Variants in RAB4A observed in about 807,000 individuals in gnomAD.
RAB4A encodes ras-related protein Rab-4A.
In RAB4A, 20 loss-of-function variants were observed where a neutral mutation model predicts 34.5. The observed-to-expected ratio is 0.58, with a 90% CI of 0.41 to 0.84. RAB4A has a LOEUF of 0.84. RAB4A is among the 40% of genes least tolerant of loss of function. The pLI is 0.00. For missense variants in RAB4A, 228 were observed against 274.5 expected (o/e 0.83, Z 1.20); for synonymous variants, 102 against 100.0 (o/e 1.02, Z -0.12).
intron 1 of RAB4A, among the ~76,000 whole-genome samples, chr1:229,276,682 T>A (rs1332624191): frequency 1.3e-5 from 2 of 151,516 alleles, no homozygotes; most frequent in East Asian, 3.9e-4. Flanking sequence ...CTATTGGGTT[T>A]CAGAGTCTTT....
intron 6 of RAB4A, among the ~76,000 whole-genome samples, chr1:229,300,796 T>C (rs945551728): frequency 6.6e-6 from 1 of 151,970 alleles, no homozygotes; most frequent in Admixed American, 6.6e-5. Context: ...CAGCTAAAAC[T>C]GTGGAAGCAA....
chr1:229,301,149 G>A (rs945533665), intron 6 of RAB4A, among the ~76,000 whole-genome samples: 9 of 152,258 alleles, frequency 5.9e-5, no homozygotes, highest in African/African-American at 2.2e-4. Context: ...CGTCCGTTAG[G>A]AAGAAGTAGG....
intron 1 of RAB4A, among the ~76,000 whole-genome samples, chr1:229,282,993 G>T (rs572839310): frequency 3.3e-5 from 5 of 152,196 alleles, no homozygotes; most frequent in Non-Finnish European, 5.9e-5. Flanking sequence ...TTCTTGGTAT[G>T]ATGAGGAGTT....
intron 3 of RAB4A, among the ~76,000 whole-genome samples, chr1:229,295,118 C>T (rs1396352596): frequency 4.6e-5 from 7 of 151,830 alleles, no homozygotes; most frequent in Admixed American, 3.9e-4. Flanking sequence ...TACTGCCATA[C>T]CTGGCTAATT....
chr1:229,285,705 C>T (rs1309687562), intron 1 of RAB4A, among the ~76,000 whole-genome samples: 2 of 152,124 alleles, frequency 1.3e-5, no homozygotes, highest in African/African-American at 4.8e-5. Flanking sequence ...TGTTCTGGTA[C>T]TCCCGAGCTC....
At chr1:229,292,644 G>A (rs1223269011) in intron 3 of RAB4A, among the ~76,000 whole-genome samples, 1 of 152,154 alleles carries the variant, frequency 6.6e-6, no homozygotes, top group Non-Finnish European at 1.5e-5. Context: ...GAAGCTTCCT[G>A]ACTAAGAGCT....
Position 229,302,633 on chromosome 1 carries a change from C to A in RAB4A, c.542-229C>A, listed in dbSNP as rs34052540. Among the ~76,000 whole-genome samples, 775 of 151,918 alleles carry A rather than the reference C, an allele frequency of 5.1e-3. 4 individuals carry two copies. The highest frequency in any genetic ancestry group is 8.7e-3 in the Admixed American group (133 of 15,254). ...TGAAAAGTCCCCCTGTTACCACCCC[C>A]TCCTGTCCTCAGCCATCTAGAACTC... On this transcript the variant is annotated intron_variant, in intron 6 of 7. Coordinates refer to ENST00000366690, the MANE Select transcript of RAB4A (RefSeq NM_004578.4).
In RAB4A at chr1:229,287,667, A is replaced by AT. The variant is rs912379834; in HGVS notation, c.113-1054dup. ...AGGATGCCCCTGGCCTTTAGTTACTATTTTTTTTAAGGATCTTACCCTGCA... is the reference window on the plus strand; with the variant it reads ...AGGATGCCCCTGGCCTTTAGTTACTATTTTTTTTTAAGGATCTTACCCTGCA... On this transcript the variant is annotated intron_variant, in intron 2 of 7. Transcript: ENST00000366690. Among the ~76,000 whole-genome samples, 32 of 151,854 alleles carry AT rather than the reference A, an allele frequency of 2.1e-4. 1 individual carries two copies. The highest frequency in any genetic ancestry group is 1.5e-3 in the South Asian group (7 of 4,806).
chr1:229,291,927 T>G (rs1039885942), intron 3 of RAB4A, among the ~76,000 whole-genome samples: 5 of 151,926 alleles, frequency 3.3e-5, no homozygotes, highest in Admixed American at 6.6e-5. Flanking sequence ...GGGACATGGA[T>G]GAAATTGGAA....
intron 4 of RAB4A, 134 bp downstream of exon 4, chr1:229,296,044 C>T (rs1466121126): frequency 2.5e-6 from 2 of 793,576 alleles, no homozygotes; most frequent in Non-Finnish European, 4.0e-6. Flanking sequence ...ATCCAGGAAG[C>T]CCCTTAGCCC....
chr1:229,295,844 C>A lies in RAB4A; in HGVS notation c.228-4C>A, dbSNP rs753013371. 6.2e-7 allele frequency: 1 copy of A among 1,613,928 alleles called. No individual in the cohort carries two copies. Among genetic ancestry groups the A allele is most frequent in the Non-Finnish European group, 8.5e-7 (1 of 1,179,990 alleles). ...TGAAAGTAAAACCAGTATAATTCTT[C>A]CAGGTCCGTGACGAGAAGTTATTAC... On this transcript the variant is annotated splice_region_variant and splice_polypyrimidine_tract_variant and intron_variant, in intron 3 of 7. Transcript: ENST00000366690.
intron 1 of RAB4A, among the ~76,000 whole-genome samples, chr1:229,275,148 T>G (rs1324599099): frequency 6.6e-6 from 1 of 152,222 alleles, no homozygotes; most frequent in East Asian, 1.9e-4. Context: ...TTTGCAGATG[T>G]AATCAAGTTA....
intron 1 of RAB4A, 66 bp downstream of exon 1, chr1:229,271,436 G>C (rs1656471149): frequency 8.6e-7 from 1 of 1,163,452 alleles, no homozygotes; most frequent in East Asian, 3.8e-5. Flanking sequence ...CGCGGGGCCG[G>C]GCCTGGGCTG....
intron 3 of RAB4A, among the ~76,000 whole-genome samples, chr1:229,290,302 A>C (rs1446610230): frequency 6.6e-6 from 1 of 152,170 alleles, no homozygotes; most frequent in Non-Finnish European, 1.5e-5. Context: ...CAGGCCTGAA[A>C]AGAGGGAAAT....
Position 229,302,851 on chromosome 1 carries a change from T to G in RAB4A, c.542-11T>G. On this transcript the variant is annotated splice_polypyrimidine_tract_variant and intron_variant, in intron 6 of 7. Transcript: ENST00000366690. ...AAGCCTTTTTTAAAAGAAGACTTGC[T>G]TGGTCCTTAGGTGAGCTGGACCCAG... 1 of 1,584,526 alleles carries G rather than the reference T, an allele frequency of 6.3e-7. No individual in the cohort carries two copies. Among genetic ancestry groups the G allele is most frequent in the East Asian group, 2.2e-5 (1 of 44,746 alleles).
chr1:229,302,813 CAAAG>C (rs764750031), intron 6 of RAB4A, 45 bp from the exon 7 acceptor site: 10 of 1,268,724 alleles, frequency 7.9e-6, no homozygotes, highest in Admixed American at 2.1e-5. Context: ...TTTTTGGAAT[CAAAG>C]AAACATAAAA....
chr1:229,302,247 C>T (rs1177290313), intron 6 of RAB4A, among the ~76,000 whole-genome samples: 1 of 104,842 alleles, frequency 9.5e-6, no homozygotes, highest in Non-Finnish European at 1.8e-5. Context: ...AGTAATGTTA[C>T]AGTAAATAAT....
chr1:229,299,546 A>G (rs1250238785), intron 6 of RAB4A, among the ~76,000 whole-genome samples: 3 of 152,190 alleles, frequency 2.0e-5, no homozygotes, highest in East Asian at 1.9e-4. Flanking sequence ...AAGCTTACTG[A>G]GCATGCCTCA....
At chr1:229,288,549 G>C (rs1233228931) in intron 2 of RAB4A, among the ~76,000 whole-genome samples, 180 bp from the exon 3 acceptor site, 1 of 152,200 alleles carries the variant, frequency 6.6e-6, no homozygotes, top group Non-Finnish European at 1.5e-5. Flanking sequence ...GAGAATAGGG[G>C]CTGTGTGTAT....
Sources: allele counts gnomAD v4.1 joint callset (sites outside exome capture counted in the v4.1 genomes callset), GRCh38; gene constraint gnomAD v4.1.1; transcripts MANE v1.5; gene names NCBI Gene and HGNC (gene_info 2026-07-23, HGNC 2026-07-21).